Variants in SLC30A8 observed in about 807,000 individuals in gnomAD.
The protein encoded by SLC30A8 is proton-coupled zinc antiporter SLC30A8.
SLC30A8 carries 27 observed loss-of-function variants against 36.9 expected under a neutral mutation model. That is an observed-to-expected ratio of 0.73 (90% CI 0.54 to 1.01). The LOEUF is 1.01. Among genes scored for constraint, SLC30A8 ranks in the 50% least tolerant of loss-of-function variants. The pLI, the probability that SLC30A8 is intolerant of heterozygous loss-of-function variation, is 0.00. For missense variants in SLC30A8, 439 were observed against 452.0 expected (o/e 0.97, Z 0.26); for synonymous variants, 164 against 172.4 (o/e 0.95, Z 0.38).
At chr8:117,031,741 G>T (rs1817058377) in intron 1 of SLC30A8, among the ~76,000 whole-genome samples, 1 of 152,102 alleles carries the variant, frequency 6.6e-6, no homozygotes. Context: ...TGAGATTACA[G>T]GCGTGAGCCA....
At chr8:117,138,081 GAAA>G (rs1306387008) in intron 1 of SLC30A8, among the ~76,000 whole-genome samples, 7 of 122,592 alleles carry the variant, frequency 5.7e-5, no homozygotes, top group African/African-American at 1.6e-4. Flanking sequence ...AAAAAAAAAA[GAAA>G]AAGAAAAAAA....
intron 1 of SLC30A8, among the ~76,000 whole-genome samples, chr8:117,137,598 G>A (rs1821421813): frequency 6.6e-6 from 1 of 152,006 alleles, no homozygotes; most frequent in Admixed American, 6.6e-5. Flanking sequence ...GGTTTAAGAT[G>A]GCTTCACTCA....
At chr8:116,974,638 A>C (rs1814915459) in intron 1 of SLC30A8, among the ~76,000 whole-genome samples, 1 of 152,194 alleles carries the variant, frequency 6.6e-6, no homozygotes, top group African/African-American at 2.4e-5. Context: ...GTGATTCCTC[A>C]AGGATCTAGA....
intron 1 of SLC30A8, among the ~76,000 whole-genome samples, chr8:117,012,017 T>G (rs1293599167): frequency 6.6e-6 from 1 of 152,204 alleles, no homozygotes; most frequent in Non-Finnish European, 1.5e-5. Flanking sequence ...AGAAATTTTG[T>G]GTACTTAGCT....
chr8:117,084,458 A>G (rs1818792736), intron 2 of SLC30A8, among the ~76,000 whole-genome samples: 1 of 152,178 alleles, frequency 6.6e-6, no homozygotes, highest in Non-Finnish European at 1.5e-5. Flanking sequence ...TTTCAGTTTT[A>G]TTAGAGTGTT....
intron 1 of SLC30A8, among the ~76,000 whole-genome samples, chr8:117,140,880 C>G (rs1161654719): frequency 6.6e-6 from 1 of 151,952 alleles, no homozygotes; most frequent in Non-Finnish European, 1.5e-5. Context: ...TCTCCTTTTT[C>G]CTCTTAACAG....
At chr8:117,037,156 G>A (rs914033463) in intron 1 of SLC30A8, among the ~76,000 whole-genome samples, 2 of 151,972 alleles carry the variant, frequency 1.3e-5, no homozygotes, top group African/African-American at 4.8e-5. Context: ...TGGCAGGCAG[G>A]AATCTGTTTA....
chr8:116,950,673 C>G (rs1247027625), upstream of SLC30A8: 5 of 152,198 alleles, frequency 3.3e-5, no homozygotes, highest in Non-Finnish European at 5.9e-5. Flanking sequence ...CAAATTGGTA[C>G]TGAGGGTACT....
chr8:117,050,400 A>G (rs1422233061), intron 2 of SLC30A8, among the ~76,000 whole-genome samples: 3 of 142,362 alleles, frequency 2.1e-5, no homozygotes, highest in African/African-American at 8.2e-5. Flanking sequence ...TTCACTACTG[A>G]TTTCTTTCTT....
chr8:117,056,382 C>G (rs146399127), intron 2 of SLC30A8, among the ~76,000 whole-genome samples: 6 of 152,234 alleles, frequency 3.9e-5, no homozygotes, highest in Admixed American at 6.5e-5. Flanking sequence ...AGGCTTCTGG[C>G]CAAAGTCAGG....
At chr8:117,118,657 C>A (rs1820555178) in intron 2 of SLC30A8, among the ~76,000 whole-genome samples, 1 of 151,812 alleles carries the variant, frequency 6.6e-6, no homozygotes, top group Admixed American at 6.6e-5. Flanking sequence ...TTACAGCAGG[C>A]TCCTTTTTTC....
chr8:117,165,777 A>C (rs1823025900), intron 6 of SLC30A8, among the ~76,000 whole-genome samples: 2 of 152,238 alleles, frequency 1.3e-5, no homozygotes, highest in African/African-American at 4.8e-5. Flanking sequence ...GTGTATATAC[A>C]CAATGGAATA....
intron 3 of SLC30A8, among the ~76,000 whole-genome samples, chr8:117,153,509 T>C (rs1458226834): frequency 6.6e-6 from 1 of 152,186 alleles, no homozygotes; most frequent in African/African-American, 2.4e-5. Flanking sequence ...GATTCAGGAA[T>C]AGAATATAGG....
intron 2 of SLC30A8, among the ~76,000 whole-genome samples, chr8:117,101,721 G>T (rs1034049351): frequency 1.3e-5 from 2 of 152,112 alleles, no homozygotes; most frequent in African/African-American, 4.8e-5. Context: ...CAGAATAAAA[G>T]CAGGCAGAAG....
intron 4 of SLC30A8, among the ~76,000 whole-genome samples, 162 bp from the exon 5 acceptor site, chr8:117,161,576 A>T (rs978688065): frequency 2.6e-5 from 4 of 152,242 alleles, no homozygotes; most frequent in East Asian, 3.8e-4. Flanking sequence ...ATTCTATGAC[A>T]TATGTATTTA....
intron 1 of SLC30A8, among the ~76,000 whole-genome samples, chr8:117,030,058 A>G (rs1039981243): frequency 6.6e-6 from 1 of 152,148 alleles, no homozygotes; most frequent in African/African-American, 2.4e-5. Flanking sequence ...GAGCATAGGA[A>G]ATTCCCTGCA....
At chr8:116,992,435 G>C (rs748176688) in intron 1 of SLC30A8, among the ~76,000 whole-genome samples, 1 of 152,186 alleles carries the variant, frequency 6.6e-6, no homozygotes, top group South Asian at 2.1e-4. Context: ...GAATGTACAC[G>C]ATGAGCCCTA....
chr8:117,127,087 GC>G (rs1464273746), intron 2 of SLC30A8, among the ~76,000 whole-genome samples: 1 of 151,946 alleles, frequency 6.6e-6, no homozygotes, highest in Non-Finnish European at 1.5e-5. Context: ...TAGAAGAGAG[GC>G]CACTGGACCT....
At chr8:117,037,349 C>G (rs1817246598) in intron 1 of SLC30A8, among the ~76,000 whole-genome samples, 1 of 152,180 alleles carries the variant, frequency 6.6e-6, no homozygotes, top group Admixed American at 6.5e-5. Flanking sequence ...GTCAGCTTTT[C>G]TTGCTCTAGA....
Sources: allele counts gnomAD v4.1 joint callset (sites outside exome capture counted in the v4.1 genomes callset), GRCh38; gene constraint gnomAD v4.1.1; transcripts MANE v1.5; gene names NCBI Gene and HGNC (gene_info 2026-07-23, HGNC 2026-07-21).